The following TTC7B variants were observed in gnomAD, a reference collection of about 807,000 sequenced individuals.
The protein encoded by TTC7B is tetratricopeptide repeat protein 7B.
In TTC7B, 28 loss-of-function variants were observed where a neutral mutation model predicts 106.8. The observed-to-expected ratio is 0.26, with a 90% confidence interval of 0.19 to 0.36. The LOEUF is 0.36. Among genes scored for constraint, TTC7B ranks in the 10% least tolerant of loss-of-function variants. The pLI, the probability that TTC7B is intolerant of heterozygous loss-of-function variation, is 1.00. For synonymous variants in TTC7B, 405 were observed against 430.6 expected (o/e 0.94, Z 0.74); for missense variants, 862 against 1,076.4 (o/e 0.80, Z 2.79).
chr14:90,561,838 A>T (rs867336058), intron 19 of TTC7B, among the ~76,000 whole-genome samples: 4 of 152,302 alleles, frequency 2.6e-5, no homozygotes, highest in Middle Eastern at 3.4e-3. Context: ...TGGAAACAGG[A>T]GGGTTGGCGA....
chr14:90,631,304 T>C (rs1163305137), intron 15 of TTC7B, among the ~76,000 whole-genome samples: 1 of 152,188 alleles, frequency 6.6e-6, no homozygotes, highest in Non-Finnish European at 1.5e-5. Flanking sequence ...CTGTTTTCAA[T>C]TCTTTTGGGC....
chr14:90,638,799 G>A (rs1885050925), intron 15 of TTC7B, among the ~76,000 whole-genome samples: 1 of 152,236 alleles, frequency 6.6e-6, no homozygotes, highest in South Asian at 2.1e-4. Flanking sequence ...AGGATACAGA[G>A]AGGGACCCAC....
intron 3 of TTC7B, among the ~76,000 whole-genome samples, chr14:90,780,159 A>G (rs1237612285): frequency 1.3e-5 from 2 of 152,160 alleles, no homozygotes; most frequent in African/African-American, 4.8e-5. Flanking sequence ...AGGTGGGCGG[A>G]TCACCTGATG....
At chr14:90,615,058 C>T (rs1893013870) in intron 16 of TTC7B, among the ~76,000 whole-genome samples, 1 of 152,204 alleles carries the variant, frequency 6.6e-6, no homozygotes, top group African/African-American at 2.4e-5. Flanking sequence ...ACAAACACCT[C>T]GCCAAATGTA....
At chr14:90,604,358 CA>C (rs1266711475) in intron 17 of TTC7B, among the ~76,000 whole-genome samples, 70 of 152,216 alleles carry the variant, frequency 4.6e-4, no homozygotes, top group African/African-American at 1.6e-3. Flanking sequence ...GGTGTTTAAA[CA>C]GTATCTTCAT....
chr14:90,646,860 G>A (rs1595242090), intron 14 of TTC7B, 91 bp downstream of exon 14: 4 of 1,191,518 alleles, frequency 3.4e-6, no homozygotes, highest in East Asian at 4.7e-5. Flanking sequence ...TGGAATAAAG[G>A]AAGATCACCT....
intron 1 of TTC7B, among the ~76,000 whole-genome samples, chr14:90,814,197 A>ATGCTCC (rs561073135): frequency 7.6e-4 from 115 of 152,256 alleles, no homozygotes; most frequent in African/African-American, 2.6e-3. Context: ...GCATCTTAGG[A>ATGCTCC]CATTGGGAGC....
chr14:90,791,583 C>T (rs1891586640), intron 1 of TTC7B, among the ~76,000 whole-genome samples: 1 of 152,120 alleles, frequency 6.6e-6, no homozygotes, highest in African/African-American at 2.4e-5. Flanking sequence ...ACATGCTGCC[C>T]CGTGACTACG....
At chr14:90,617,162 T>C (rs1220701876) in intron 16 of TTC7B, among the ~76,000 whole-genome samples, 5 of 152,194 alleles carry the variant, frequency 3.3e-5, no homozygotes, top group African/African-American at 1.2e-4. Context: ...GGAGCTACTT[T>C]ACAGCTCTGT....
In TTC7B at chr14:90,755,016, A is replaced by T. The variant is rs1394936222; in HGVS notation, c.446-10094T>A. ...GCACATTCACAGTTATTACACAACC[A>T]TGCCCTCTGTCTAACTCAAAACCTT... On this transcript the variant is annotated intron_variant, in intron 3 of 19. Transcript: ENST00000328459. 1.3e-5 allele frequency among the ~76,000 whole-genome samples: 2 copies of T among 152,228 alleles called. 1 individual carries two copies. Among genetic ancestry groups the T allele is most frequent in the South Asian group, 4.1e-4 (2 of 4,828 alleles).
intron 18 of TTC7B, among the ~76,000 whole-genome samples, chr14:90,589,929 C>T (rs1477051302): frequency 6.6e-6 from 1 of 152,174 alleles, no homozygotes; most frequent in Non-Finnish European, 1.5e-5. Context: ...ATACAGTAGA[C>T]ATACTCTGTA....
intron 1 of TTC7B, among the ~76,000 whole-genome samples, chr14:90,787,889 A>G (rs1891446411): frequency 6.6e-6 from 1 of 152,210 alleles, no homozygotes; most frequent in African/African-American, 2.4e-5. Context: ...CTGGCCAGCC[A>G]TGGTGGTTTA....
chr14:90,650,312 G>A (rs1885660959), intron 13 of TTC7B, among the ~76,000 whole-genome samples: 1 of 152,198 alleles, frequency 6.6e-6, no homozygotes, highest in African/African-American at 2.4e-5. Context: ...CAGGGGCCAT[G>A]GGATTCGTGC....
At chr14:90,744,430 C>A (rs112131133) in intron 4 of TTC7B, among the ~76,000 whole-genome samples, 2 of 152,054 alleles carry the variant, frequency 1.3e-5, no homozygotes, top group Admixed American at 1.3e-4. Flanking sequence ...TCTGCCTCAA[C>A]CTCCCAAGTA....
intron 4 of TTC7B, among the ~76,000 whole-genome samples, chr14:90,730,649 G>A (rs1468206820): frequency 6.6e-6 from 1 of 152,188 alleles, no homozygotes; most frequent in Admixed American, 6.5e-5. Context: ...ATGAGCTGAT[G>A]AGTGCTGTGA....
chr14:90,684,596 T>C (rs771685627), intron 7 of TTC7B, among the ~76,000 whole-genome samples: 1 of 152,142 alleles, frequency 6.6e-6, no homozygotes, highest in Non-Finnish European at 1.5e-5. Context: ...AGTTCAAATA[T>C]AAAGTTAGAC....
At chr14:90,665,073 G>A (rs190479652) in intron 9 of TTC7B, among the ~76,000 whole-genome samples, 89 of 152,142 alleles carry the variant, frequency 5.8e-4, no homozygotes, top group African/African-American at 2.1e-3. Flanking sequence ...TGGCAGTGTG[G>A]GCCTAGGAAG....
chr14:90,676,471 C>T, intron 9 of TTC7B, 52 bp downstream of exon 9: 1 of 1,598,238 alleles, frequency 6.3e-7, no homozygotes. Flanking sequence ...CCTGGGGTCA[C>T]CGTGCAACTG....
chr14:90,592,406 C>T (rs1223570478), intron 18 of TTC7B, among the ~76,000 whole-genome samples: 7 of 152,138 alleles, frequency 4.6e-5, no homozygotes, highest in Admixed American at 2.0e-4. Context: ...GTGGGATTCT[C>T]GTTATTAAAA....
Sources: allele counts gnomAD v4.1 joint callset (sites outside exome capture counted in the v4.1 genomes callset), GRCh38; gene constraint gnomAD v4.1.1; transcripts MANE v1.5; gene names NCBI Gene and HGNC (gene_info 2026-07-23, HGNC 2026-07-21).